The following MAGI2 variants were observed in gnomAD, a reference collection of about 807,000 sequenced individuals.
MAGI2 encodes the protein membrane-associated guanylate kinase, WW and PDZ domain-containing protein 2.
Under a neutral mutation model 133.3 loss-of-function variants are expected in MAGI2, and 35 were observed. The observed-to-expected ratio is 0.26, with a 90% CI of 0.20 to 0.35. The LOEUF (loss-of-function observed/expected upper bound fraction) is 0.35. Among genes scored for constraint, MAGI2 ranks in the 10% least tolerant of loss-of-function variants. The probability of loss-of-function intolerance (pLI) is 1.00; values close to 1 mark genes in which losing one functional copy is unlikely to be tolerated. For missense variants in MAGI2, 1,636 were observed against 1,863.4 expected, an observed-to-expected ratio of 0.88 and a Z score of 2.25; for synonymous variants, 729 against 710.6, an observed-to-expected ratio of 1.03 and a Z score of -0.41.
chr7:79,097,474 A>G (rs115884107), intron 1 of MAGI2, among the ~76,000 whole-genome samples: 1,883 of 152,346 alleles, frequency 0.012, 37 homozygotes, highest in African/African-American at 0.043. Context: ...GGAGGATCAC[A>G]TAAATCCACA....
intron 3 of MAGI2, among the ~76,000 whole-genome samples, chr7:78,558,656 C>T (rs926586924): frequency 2.0e-5 from 3 of 151,978 alleles, no homozygotes; most frequent in East Asian, 1.9e-4. Context: ...TTCTTCACTG[C>T]CTTTTTGGGT....
chr7:78,160,134 G>A lies in MAGI2; in HGVS notation c.2736C>T (p.Ala912=), dbSNP rs1335312751. The change falls in exon 16 of 22, where the codon GCC becomes GCT. Residue 912 remains alanine, a synonymous_variant. Transcript: ENST00000354212. ...CATCACTGGTCTGCAGGCTGTGGGA[G>A]GCGAAGCCTTCAGGGGGAGAGGCAT... ...SSNASPPEGF[A]SHSLQTSDVV... 2 of 1,612,216 alleles carry A rather than the reference G, an allele frequency of 1.2e-6. No homozygotes were observed. Among genetic ancestry groups the A allele is most frequent in the Admixed American group, 1.7e-5 (1 of 59,782 alleles).
intron 3 of MAGI2, among the ~76,000 whole-genome samples, chr7:78,602,910 C>T (rs1026493610): frequency 2.0e-5 from 3 of 152,124 alleles, no homozygotes; most frequent in Non-Finnish European, 4.4e-5. Flanking sequence ...TTGATTTCAG[C>T]TTTGGGAAAG....
At chr7:78,381,810 T>C (rs538482149) in intron 6 of MAGI2, among the ~76,000 whole-genome samples, 1 of 152,128 alleles carries the variant, frequency 6.6e-6, no homozygotes, top group Non-Finnish European at 1.5e-5. Flanking sequence ...TTAGACAAGG[T>C]TGTGGGGAAA....
At chr7:78,938,718 T>A (rs1168450625) in intron 2 of MAGI2, among the ~76,000 whole-genome samples, 4 of 152,176 alleles carry the variant, frequency 2.6e-5, no homozygotes, top group Non-Finnish European at 4.4e-5. Flanking sequence ...ATGTACAAGC[T>A]TTATTAGCAA....
chr7:78,516,051 C>T (rs1796014091), intron 4 of MAGI2, among the ~76,000 whole-genome samples: 1 of 152,138 alleles, frequency 6.6e-6, no homozygotes, highest in South Asian at 2.1e-4. Flanking sequence ...CAGAGATGAT[C>T]AGTTTTTACT....
At chr7:78,813,785 C>CAAAAAAAAAAAA (rs36107160) in intron 2 of MAGI2, among the ~76,000 whole-genome samples, 1 of 96,802 alleles carries the variant, frequency 1.0e-5, no homozygotes, top group African/African-American at 4.1e-5. Flanking sequence ...GATTCTGTCT[C>CAAAAAAAAAAAA]AAAAAAAAAA....
intron 10 of MAGI2, chr7:78,253,183 T>C (rs1792602863): frequency 6.6e-6 from 1 of 152,148 alleles, no homozygotes; most frequent in African/African-American, 2.4e-5. Context: ...GTCCATACAC[T>C]AATGAATGGA....
At chr7:79,403,544 T>C (rs12672249) in intron 1 of MAGI2, among the ~76,000 whole-genome samples, 20,399 of 152,032 alleles carry the variant, frequency 0.13, 1,495 homozygotes, top group South Asian at 0.24. Context: ...ATAACCACAG[T>C]CAAAATTTTA....
At chr7:78,071,615 C>T (rs113016756) in intron 21 of MAGI2, among the ~76,000 whole-genome samples, 2,373 of 152,236 alleles carry the variant, frequency 0.016, 42 homozygotes, top group African/African-American at 0.054. Flanking sequence ...TTATGGTTAG[C>T]GGATTTCCTG....
At chr7:79,288,512 T>C (rs759796448) in intron 1 of MAGI2, among the ~76,000 whole-genome samples, 3 of 152,206 alleles carry the variant, frequency 2.0e-5, no homozygotes, top group Non-Finnish European at 4.4e-5. Context: ...TTACATTTTT[T>C]GGTACAGTAA....
chr7:78,894,525 G>A (rs1797051066), intron 2 of MAGI2, among the ~76,000 whole-genome samples: 1 of 152,116 alleles, frequency 6.6e-6, no homozygotes, highest in African/African-American at 2.4e-5. Context: ...GCTTTTATCT[G>A]TAAAACTGAT....
chr7:79,135,851 G>A (rs1319688165), intron 1 of MAGI2, among the ~76,000 whole-genome samples: 1 of 151,352 alleles, frequency 6.6e-6, no homozygotes, highest in Non-Finnish European at 1.5e-5. Flanking sequence ...TGAGGCAGGA[G>A]AATCATTTGA....
At chr7:79,366,698 T>C (rs910246908) in intron 1 of MAGI2, among the ~76,000 whole-genome samples, 4 of 152,302 alleles carry the variant, frequency 2.6e-5, no homozygotes, top group Admixed American at 2.6e-4. Flanking sequence ...CTCTGTATTA[T>C]TTCTTATAAC....
chr7:78,292,434 G>C, intron 9 of MAGI2, among the ~76,000 whole-genome samples: 1 of 152,054 alleles, frequency 6.6e-6, no homozygotes, highest in African/African-American at 2.4e-5. Flanking sequence ...AAATAAAAGA[G>C]GACACAAACA....
Position 78,021,907 on chromosome 7 carries a change from A to G in MAGI2, c.3707-1931T>C, listed in dbSNP as rs1438004613. Among the ~76,000 whole-genome samples, 6 of 152,146 alleles carry G rather than the reference A, an allele frequency of 3.9e-5. No individual in the cohort carries two copies. In the East Asian group the frequency reaches 1.2e-3, roughly 29 times the overall value. On this transcript the variant is annotated intron_variant, in intron 21 of 21. Coordinates refer to ENST00000354212, the MANE Select transcript of MAGI2 (RefSeq NM_012301.4). ...CTAAGGGAAAGCACTTTGCAATGGGAGGGTCAATCATATTTTTCTTCTGTA... is the reference window on the plus strand; with the variant it reads ...CTAAGGGAAAGCACTTTGCAATGGGGGGGTCAATCATATTTTTCTTCTGTA...
chr7:78,735,915 A>G (rs1381879710), intron 2 of MAGI2, among the ~76,000 whole-genome samples: 1 of 152,178 alleles, frequency 6.6e-6, no homozygotes, highest in Non-Finnish European at 1.5e-5. Context: ...AGTAGACCGA[A>G]TGTGTGTGAG....
rs572643068 is a variant in MAGI2, at chr7:78,480,416, C to G, written c.1045+9345G>C. Reference sequence around the variant, plus strand: ...ACAGACCAGTATTTCTCAATAGACACAAAATCACAAAACATAGACACAAAA... The same window carrying G: ...ACAGACCAGTATTTCTCAATAGACAGAAAATCACAAAACATAGACACAAAA... On this transcript the variant is annotated intron_variant, in intron 6 of 21. Coordinates refer to ENST00000354212, the MANE Select transcript of MAGI2 (RefSeq NM_012301.4). 6.2e-4 allele frequency among the ~76,000 whole-genome samples: 94 copies of G among 151,788 alleles called. No homozygotes were observed. In the Middle Eastern group the frequency reaches 0.01, roughly 17 times the overall value.
intron 4 of MAGI2, among the ~76,000 whole-genome samples, chr7:78,505,862 AG>A (rs1795039749): frequency 6.6e-6 from 1 of 151,880 alleles, no homozygotes; most frequent in Admixed American, 6.6e-5. Context: ...ATAACATCTA[AG>A]GGTTCTTTCA....
Sources: allele counts gnomAD v4.1 joint callset (sites outside exome capture counted in the v4.1 genomes callset), GRCh38; gene constraint gnomAD v4.1.1; transcripts MANE v1.5; gene names NCBI Gene and HGNC (gene_info 2026-07-23, HGNC 2026-07-21).